Variants in NPHP4 observed in about 807,000 individuals in gnomAD.
The protein encoded by NPHP4 is nephrocystin-4.
Under a neutral mutation model 155.8 loss-of-function variants are expected in NPHP4, and 151 were observed. That is an observed-to-expected ratio of 0.97 (90% CI 0.85 to 1.11). NPHP4 has a LOEUF of 1.11. Among genes scored for constraint, NPHP4 ranks in the 50% least tolerant of loss-of-function variants. The pLI is 0.00. For missense variants in NPHP4, 1,956 were observed against 1,925.7 expected (o/e 1.02, Z -0.29); for synonymous variants, 845 against 816.8 (o/e 1.03, Z -0.59).
At chr1:5,936,208 TAAC>T (rs1646529158) in intron 9 of NPHP4, among the ~76,000 whole-genome samples, 1 of 152,202 alleles carries the variant, frequency 6.6e-6, no homozygotes, top group Admixed American at 6.5e-5. Flanking sequence ...ACAGCTTTAA[TAAC>T]AACAACAAAA....
chr1:5,863,070 G>A lies in NPHP4; in HGVS notation c.*195C>T, dbSNP rs1361242134. The A allele has an allele frequency of 4.8e-6, 3 of 619,016 alleles. No homozygotes were observed. In the African/African-American group the frequency reaches 5.5e-5, roughly 11 times the overall value. The allele number at this position is 619,016 out of a possible 1,614,324, so 38.3% of individuals were successfully genotyped here. A position where few individuals can be genotyped will look rare whatever the true frequency, so the allele number is the denominator to read the frequency against. On this transcript the variant is annotated 3_prime_UTR_variant, in exon 30 of 30. Coordinates refer to ENST00000378156, the MANE Select transcript of NPHP4 (RefSeq NM_015102.5). ...CGGAACCCAGGCCTGCTGGGTGTCA[G>A]CAGCAGCTAAGCTGGATGCAGGTAC...
At position 5,904,754 on chromosome 1, in the gene NPHP4, G is replaced by A. The variant is rs368327650; in HGVS notation, c.2006C>T (p.Thr669Ile). The change falls in exon 16 of 30, where the codon ACC becomes ATC. Residue 669 changes from threonine to isoleucine, a missense_variant. Thr to Ile is a moderately conservative substitution (Grantham distance 89). Transcript: ENST00000378156. ...GGGTGGGAAGCGGTAGAACTGGAAG[G>A]TGAAATACACAGTCTTTGGCCATGA... The part of the protein sequence containing the change: ...GTSWPKTVYF[T>I]FQFYRFPPAT... The A allele has an allele frequency of 2.2e-5, 35 of 1,613,890 alleles. No homozygotes were observed. The highest frequency in any genetic ancestry group is 2.9e-5 in the Non-Finnish European group (34 of 1,179,902).
chr1:5,958,914 A>T (rs1163575832), intron 6 of NPHP4, among the ~76,000 whole-genome samples: 1 of 151,772 alleles, frequency 6.6e-6, no homozygotes, highest in South Asian at 2.1e-4. Context: ...TACATAATTT[A>T]AAAAGTTTAA....
chr1:5,906,801 C>A (rs920226657), intron 13 of NPHP4, among the ~76,000 whole-genome samples: 3 of 152,230 alleles, frequency 2.0e-5, no homozygotes, highest in Non-Finnish European at 4.4e-5. Context: ...ATAGATATAG[C>A]CACACCTTCC....
chr1:5,908,035 G>A (rs1332408621), intron 12 of NPHP4, among the ~76,000 whole-genome samples: 1 of 152,214 alleles, frequency 6.6e-6, no homozygotes, highest in Admixed American at 6.5e-5. Context: ...GACATTCACT[G>A]TCAGCAATGA....
Position 5,951,775 on chromosome 1 carries a change from A to G in NPHP4, c.810+925T>C, listed in dbSNP as rs116288522. On this transcript the variant is annotated intron_variant, in intron 7 of 29. Transcript: ENST00000378156. ...AAGGCTTTTCCAAGTCTTGTCTGGCATACAAACAAGCTTCTACACAGAAAA... is the reference window on the plus strand; with the variant it reads ...AAGGCTTTTCCAAGTCTTGTCTGGCGTACAAACAAGCTTCTACACAGAAAA... Among the ~76,000 whole-genome samples, 1,080 of 152,346 alleles carry G rather than the reference A, an allele frequency of 7.1e-3. 8 individuals are homozygous for G. The highest frequency in any genetic ancestry group is 0.024 in the African/African-American group (1,013 of 41,568).
In NPHP4 at chr1:5,866,692, C is replaced by T. The variant is rs778784334; in HGVS notation, c.3559-234G>A. ...ATTAGATTCTACAGGAGATTTTATC[C>T]GGTTTCCTAACTGGTCATAACACAA... On this transcript the variant is annotated intron_variant, in intron 25 of 29. Transcript: ENST00000378156. Among the ~76,000 whole-genome samples, 160 of 152,172 alleles carry T rather than the reference C, an allele frequency of 1.1e-3. 1 individual carries two copies. The highest frequency in any genetic ancestry group is 2.9e-4 in the Non-Finnish European group (20 of 68,034).
intron 11 of NPHP4, 71 bp from the exon 12 acceptor site, chr1:5,909,284 C>T (rs778913170): frequency 2.4e-5 from 30 of 1,247,472 alleles, no homozygotes; most frequent in Non-Finnish European, 3.5e-5. Flanking sequence ...GCCCCTGAAC[C>T]CCCACGCAGT....
chr1:5,873,374 C>T (rs768318827), intron 22 of NPHP4, 39 bp from the exon 23 acceptor site: 3 of 1,533,418 alleles, frequency 2.0e-6, no homozygotes, highest in African/African-American at 2.7e-5. Flanking sequence ...CAGGAAGCAA[C>T]ACCATTAGGC....
At chr1:5,992,081 C>T (rs1171884625) in intron 1 of NPHP4, among the ~76,000 whole-genome samples, 163 bp downstream of exon 1, 1 of 152,090 alleles carries the variant, frequency 6.6e-6, no homozygotes, top group African/African-American at 2.4e-5. Context: ...CGCGCCACCG[C>T]CGCACCCCAG....
Position 5,987,550 on chromosome 1 carries a change from C to G in NPHP4, c.-38-1223G>C, listed in dbSNP as rs1655669745. 2.0e-5 allele frequency among the ~76,000 whole-genome samples: 3 copies of G among 152,160 alleles called. 1 individual carries two copies. The South Asian group carries it at 6.2e-4, about 32-fold the overall frequency. On this transcript the variant is annotated intron_variant, in intron 1 of 29. Coordinates refer to ENST00000378156, the MANE Select transcript of NPHP4 (RefSeq NM_015102.5). ...GGGTTGAGTGAGGTCCTCCCAACCT[C>G]TCACAGAAAAGAACAAGGCAGCTTC...
chr1:5,951,883 A>C (rs983917824), intron 7 of NPHP4, among the ~76,000 whole-genome samples: 5 of 152,238 alleles, frequency 3.3e-5, no homozygotes, highest in African/African-American at 1.2e-4. Context: ...CTCGCAAGCC[A>C]GAGCATCGCT....
chr1:5,930,744 T>A (rs1646232072), intron 10 of NPHP4, among the ~76,000 whole-genome samples: 1 of 152,234 alleles, frequency 6.6e-6, no homozygotes, highest in East Asian at 1.9e-4. Context: ...TGTATCCTGC[T>A]GTTGTTGGGG....
At chr1:5,904,393 G>A (rs760618078) in intron 16 of NPHP4, among the ~76,000 whole-genome samples, 5 of 152,188 alleles carry the variant, frequency 3.3e-5, no homozygotes, top group Non-Finnish European at 5.9e-5. Context: ...ATTATATAAT[G>A]TCTGGGATTT....
At chr1:5,903,921 G>A (rs147420383) in intron 16 of NPHP4, among the ~76,000 whole-genome samples, 2 of 152,248 alleles carry the variant, frequency 1.3e-5, no homozygotes, top group African/African-American at 4.8e-5. Context: ...AGGAGGTGGC[G>A]CAAACGTCAC....
chr1:5,879,345 C>T (rs1035094932), intron 19 of NPHP4: 2 of 351,908 alleles, frequency 5.7e-6, no homozygotes, highest in Non-Finnish European at 1.1e-5. Context: ...TGAGGCCTTA[C>T]ATTTTAAGGG....
At chr1:5,989,361 C>G (rs1424271478) in intron 1 of NPHP4, among the ~76,000 whole-genome samples, 1 of 152,218 alleles carries the variant, frequency 6.6e-6, no homozygotes, top group Non-Finnish European at 1.5e-5. Flanking sequence ...GCAGAAGACA[C>G]CTGACCAATA....
intron 2 of NPHP4, among the ~76,000 whole-genome samples, chr1:5,978,899 C>T (rs1452396992): frequency 6.6e-6 from 1 of 152,202 alleles, no homozygotes; most frequent in Non-Finnish European, 1.5e-5. Flanking sequence ...CCAAATGAGC[C>T]CTTCCTGATA....
intron 28 of NPHP4, 115 bp downstream of exon 28, chr1:5,864,223 G>A (rs1640949804): frequency 2.5e-6 from 3 of 1,193,428 alleles, no homozygotes; most frequent in East Asian, 2.6e-5. Context: ...ACCCGGCCCT[G>A]CTGGGTCAGA....
Sources: allele counts gnomAD v4.1 joint callset (sites outside exome capture counted in the v4.1 genomes callset), GRCh38; gene constraint gnomAD v4.1.1; transcripts MANE v1.5; gene names NCBI Gene and HGNC (gene_info 2026-07-23, HGNC 2026-07-21).